TAFA1: variants seen among roughly 807,000 people sequenced by gnomAD.
TAFA1 encodes chemokine-like protein TAFA-1.
A neutral mutation model predicts 18.5 loss-of-function variants in TAFA1; 4 were observed. That is an observed-to-expected ratio of 0.22 (90% CI 0.11 to 0.49). The LOEUF is 0.49. Among genes scored for constraint, TAFA1 ranks in the 20% least tolerant of loss-of-function variants. The probability of loss-of-function intolerance (pLI) is 0.98; values close to 1 mark genes in which losing one functional copy is unlikely to be tolerated. For synonymous variants in TAFA1, 56 were observed against 55.2 expected (o/e 1.01, Z -0.06); for missense variants, 147 against 169.0 (o/e 0.87, Z 0.72).
intron 2 of TAFA1, among the ~76,000 whole-genome samples, chr3:68,058,561 T>C (rs1053551002): frequency 6.6e-6 from 1 of 152,182 alleles, no homozygotes; most frequent in East Asian, 1.9e-4. Flanking sequence ...GAGTTATTAA[T>C]AGACATAGCT....
At chr3:68,396,021 C>T (rs1192530449) in intron 2 of TAFA1, among the ~76,000 whole-genome samples, 3 of 151,932 alleles carry the variant, frequency 2.0e-5, no homozygotes, top group Non-Finnish European at 4.4e-5. Flanking sequence ...ATACCTTCAC[C>T]AACTTTGATA....
rs894222150 is a variant in TAFA1 at position 68,241,536 on chromosome 3, A to G, written c.119-175744A>G. ...AGTACTTTAGAGTGAAAAACAGAAC[A>G]CAAATCCTGAACTCCAGCTAAGTGT... On this transcript the variant is annotated intron_variant, in intron 2 of 4. Coordinates refer to ENST00000478136, the MANE Select transcript of TAFA1 (RefSeq NM_213609.4). 5.3e-5 allele frequency among the ~76,000 whole-genome samples: 8 copies of G among 152,334 alleles called. No homozygotes were observed. In the South Asian group the frequency reaches 1.7e-3, roughly 32 times the overall value.
intron 3 of TAFA1, among the ~76,000 whole-genome samples, chr3:68,440,895 G>C (rs1241885745): frequency 6.6e-6 from 1 of 152,124 alleles, no homozygotes; most frequent in Non-Finnish European, 1.5e-5. Flanking sequence ...AAAGTGTCCA[G>C]GTGGCAATCT....
At chr3:68,305,351 T>A (rs2068385200) in intron 2 of TAFA1, among the ~76,000 whole-genome samples, 1 of 143,086 alleles carries the variant, frequency 7.0e-6, no homozygotes, top group Admixed American at 7.1e-5. Flanking sequence ...TAAAGTAATA[T>A]ATAATATATG....
the TAFA1 span, among the ~76,000 whole-genome samples, chr3:67,993,408 T>C: frequency 6.6e-6 from 1 of 152,230 alleles, no homozygotes; most frequent in African/African-American, 2.4e-5. Flanking sequence ...GCAATATGGA[T>C]ACTCCCCAGT....
intron 2 of TAFA1, among the ~76,000 whole-genome samples, chr3:68,295,240 C>T (rs894917984): frequency 1.3e-5 from 2 of 152,012 alleles, no homozygotes; most frequent in Non-Finnish European, 2.9e-5. Context: ...TCAGATTCCA[C>T]GACATTTGTG....
intron 2 of TAFA1, among the ~76,000 whole-genome samples, chr3:68,325,566 TCTATGTTCTGG>T (rs373821719): frequency 1.3e-5 from 2 of 152,296 alleles, no homozygotes; most frequent in East Asian, 3.9e-4. Context: ...ACTATTATAG[TCTATGTTCTGG>T]CTATGTTACA....
Position 68,006,740 on chromosome 3 carries a change from A to G in TAFA1, c.114A>G (p.Arg38=), listed in dbSNP as rs771872513. The change falls in exon 2 of 5, where the codon AGA becomes AGG. Residue 38 remains arginine, a synonymous_variant. Coordinates refer to ENST00000478136, the MANE Select transcript of TAFA1 (RefSeq NM_213609.4). ...CTTTCCAGCAGCATCACCTGCACAG[A>G]CCAGGTAAGTCAGGAGCTGGCTCCA... is the stretch of plus-strand genomic sequence containing the variant. The part of the protein sequence containing the change: ...QHTFQQHHLH[R]PEGGTCEVIA... 83 of 1,611,830 alleles carry G rather than the reference A, an allele frequency of 5.1e-5. No homozygotes were observed. The highest frequency in any genetic ancestry group is 6.6e-5 in the Non-Finnish European group (78 of 1,177,872).
chr3:68,150,927 T>G (rs1272562198), intron 2 of TAFA1, among the ~76,000 whole-genome samples: 4 of 152,160 alleles, frequency 2.6e-5, no homozygotes, highest in Non-Finnish European at 5.9e-5. Flanking sequence ...ACAGTCAATT[T>G]GTTGAGTCCT....
chr3:68,072,737 T>C (rs1459386971), intron 2 of TAFA1, among the ~76,000 whole-genome samples: 1 of 152,144 alleles, frequency 6.6e-6, no homozygotes, highest in African/African-American at 2.4e-5. Flanking sequence ...AGTTTTGGGC[T>C]GTGGAGTTTG....
intron 2 of TAFA1, among the ~76,000 whole-genome samples, chr3:68,308,725 A>G (rs961582162): frequency 2.6e-5 from 4 of 152,124 alleles, no homozygotes; most frequent in Non-Finnish European, 5.9e-5. Flanking sequence ...TATTTTGATC[A>G]TATGCTTATT....
At chr3:68,331,927 G>A (rs1413935419) in intron 2 of TAFA1, among the ~76,000 whole-genome samples, 4 of 136,700 alleles carry the variant, frequency 2.9e-5, no homozygotes, top group Non-Finnish European at 4.6e-5. Context: ...GCAGTGGCGC[G>A]ATCTCAGCTC....
rs149622429 is a variant in TAFA1, at chr3:68,306,641, A to T, written c.119-110639A>T. Among the ~76,000 whole-genome samples the T allele has an allele frequency of 1.2e-3, 178 of 152,174 alleles. 4 individuals are homozygous for T. In the East Asian group the frequency reaches 0.033, roughly 28 times the overall value. On this transcript the variant is annotated intron_variant, in intron 2 of 4. Transcript: ENST00000478136. ...CCTGGATGGATCTGGATCTCCGAGG[A>T]GCTAAAGCTGGTCTCTGGAACTACA...
Position 68,332,013 on chromosome 3 carries a change from G to A in TAFA1, c.119-85267G>A, listed in dbSNP as rs185992581. 6.1e-4 allele frequency among the ~76,000 whole-genome samples: 93 copies of A among 151,632 alleles called. 1 individual carries two copies. The East Asian group carries it at 9.9e-3, about 16-fold the overall frequency. ...CGAGTAGCTGGGACTACAGGTGCCC[G>A]CCACCGCACCCTGCCAATTTTTTGT... is the stretch of plus-strand genomic sequence containing the variant. On this transcript the variant is annotated intron_variant, in intron 2 of 4. Transcript: ENST00000478136.
intron 2 of TAFA1, among the ~76,000 whole-genome samples, chr3:68,331,438 A>G (rs2068867979): frequency 6.6e-6 from 1 of 152,236 alleles, no homozygotes. Context: ...TTTATATTGT[A>G]TAGTTCAGGC....
chr3:68,012,087 A>G (rs1228216481), intron 2 of TAFA1, among the ~76,000 whole-genome samples: 2 of 152,242 alleles, frequency 1.3e-5, no homozygotes, highest in Admixed American at 6.5e-5. Context: ...ACTTAAGAAG[A>G]CAATTTGAAC....
At chr3:68,257,667 G>T (rs1423457706) in intron 2 of TAFA1, among the ~76,000 whole-genome samples, 2 of 152,090 alleles carry the variant, frequency 1.3e-5, no homozygotes, top group East Asian at 3.9e-4. Flanking sequence ...CATGCAGTGA[G>T]CTTAGAAGGG....
intron 2 of TAFA1, among the ~76,000 whole-genome samples, chr3:68,330,071 T>C (rs1490444364): frequency 6.6e-6 from 1 of 152,194 alleles, no homozygotes; most frequent in Non-Finnish European, 1.5e-5. Context: ...TTAATAGATA[T>C]GTGACTGTGT....
intron 3 of TAFA1, among the ~76,000 whole-genome samples, chr3:68,454,530 A>G (rs1447717817): frequency 1.3e-5 from 2 of 152,184 alleles, no homozygotes; most frequent in Non-Finnish European, 2.9e-5. Flanking sequence ...CCTTACCTCT[A>G]TGCCTATTCC....
Sources: allele counts gnomAD v4.1 joint callset (sites outside exome capture counted in the v4.1 genomes callset), GRCh38; gene constraint gnomAD v4.1.1; transcripts MANE v1.5; gene names NCBI Gene and HGNC (gene_info 2026-07-23, HGNC 2026-07-21).